KCNMA1: variants seen among roughly 807,000 people sequenced by gnomAD.
KCNMA1 encodes the protein Calcium-activated potassium channel subunit alpha-1.
A neutral mutation model predicts 140.0 loss-of-function variants in KCNMA1; 29 were observed. The ratio of observed to expected loss-of-function variants is 0.21; its 90% CI spans 0.15 to 0.28. KCNMA1 has a LOEUF of 0.28. KCNMA1 is among the 10% of genes least tolerant of loss of function. KCNMA1 has a pLI of 1.00. For missense variants in KCNMA1, 880 were observed against 1,602.2 expected, an observed-to-expected ratio of 0.55 and a Z score of 7.70; for synonymous variants, 612 against 611.9, an observed-to-expected ratio of 1.00 and a Z score of 0.00.
rs1157132020 is a variant in KCNMA1 at position 77,328,964 on chromosome 10, C to G, written c.540+74898G>C. Among the ~76,000 whole-genome samples the G allele has an allele frequency of 2.6e-5, 4 of 152,034 alleles. No individual in the cohort carries two copies. The East Asian group carries it at 7.7e-4, about 29-fold the overall frequency. ...CATGCCATTCTCCTGCCTCAGCCTC[C>G]CGAGTAGCTGGGACTACAGGCGCCT... On this transcript the variant is annotated intron_variant, in intron 2 of 27. Coordinates refer to ENST00000286628, the MANE Select transcript of KCNMA1 (RefSeq NM_001161352.2).
rs577812941 is a variant in KCNMA1 at position 76,927,399 on chromosome 10, G to A, written c.2903-12350C>T. On this transcript the variant is annotated intron_variant, in intron 23 of 27. Coordinates refer to ENST00000286628, the MANE Select transcript of KCNMA1 (RefSeq NM_001161352.2). Reference sequence around the variant, plus strand: ...GAGGCCTGCAGGCACAGTACATAACGATGGGACTCTCATAATCCAGGCAAT... The same window carrying A: ...GAGGCCTGCAGGCACAGTACATAACAATGGGACTCTCATAATCCAGGCAAT... Among the ~76,000 whole-genome samples the A allele has an allele frequency of 6.9e-4, 105 of 152,296 alleles. No individual in the cohort carries two copies. In the Middle Eastern group the frequency reaches 0.01, roughly 15 times the overall value.
intron 23 of KCNMA1, among the ~76,000 whole-genome samples, chr10:76,928,254 TACAC>T (rs57777811): frequency 1.3e-4 from 19 of 144,818 alleles, no homozygotes; most frequent in Admixed American, 9.2e-4. Context: ...TTCAGAAAAA[TACAC>T]ACACACACAC....
chr10:77,504,883 C>A (rs996574403), intron 1 of KCNMA1, among the ~76,000 whole-genome samples: 1 of 152,118 alleles, frequency 6.6e-6, no homozygotes, highest in Non-Finnish European at 1.5e-5. Flanking sequence ...TCAAGAAGAA[C>A]TGGTTCTCCA....
At position 77,289,133 on chromosome 10, in the gene KCNMA1, TC is replaced by T. The variant is rs2072201147; in HGVS notation, c.541-37878del. 2.0e-5 allele frequency among the ~76,000 whole-genome samples: 3 copies of T among 152,196 alleles called. No homozygotes were observed. The South Asian group carries it at 6.2e-4, about 32-fold the overall frequency. On this transcript the variant is annotated intron_variant, in intron 2 of 27. Coordinates refer to ENST00000286628, the MANE Select transcript of KCNMA1 (RefSeq NM_001161352.2). ...ATCTCCTCCAGCTCCCCAGGAAGTCTCCCATTGGCTGTCAGATCAAGATCAC... is the reference window on the plus strand; with the variant it reads ...ATCTCCTCCAGCTCCCCAGGAAGTCTCCATTGGCTGTCAGATCAAGATCAC...
chr10:77,562,515 T>A (rs941069686), intron 1 of KCNMA1, among the ~76,000 whole-genome samples: 1 of 152,212 alleles, frequency 6.6e-6, no homozygotes, highest in African/African-American at 2.4e-5. Flanking sequence ...GCTGTAACCA[T>A]AATAACCTTT....
chr10:76,909,024 TA>T (rs1020040563), intron 25 of KCNMA1, among the ~76,000 whole-genome samples: 7 of 152,178 alleles, frequency 4.6e-5, no homozygotes, highest in African/African-American at 1.7e-4. Flanking sequence ...CATCAAGTTA[TA>T]AAAGAAACCA....
intron 1 of KCNMA1, among the ~76,000 whole-genome samples, chr10:77,552,943 G>C (rs550635980): frequency 6.6e-6 from 1 of 152,172 alleles, no homozygotes; most frequent in Non-Finnish European, 1.5e-5. Context: ...CAGCTACTGG[G>C]GAGGCTGGGG....
intron 19 of KCNMA1, chr10:76,974,313 A>T: frequency 1.9e-6 from 1 of 523,188 alleles, no homozygotes; most frequent in Non-Finnish European, 3.4e-6. Context: ...AATTATTATT[A>T]ATCGTTTTTT....
chr10:77,506,596 A>AGAGTGTGTGT lies in KCNMA1; in HGVS notation c.379-102574_379-102573insACACACACTC. On this transcript the variant is annotated intron_variant, in intron 1 of 27. Coordinates refer to ENST00000286628, the MANE Select transcript of KCNMA1 (RefSeq NM_001161352.2). ...TAGAGAGAGAGAGAGAGAGAGAGAG[A>AGAGTGTGTGT]GTGTGTGTGTGTGTGTGTGTGTGTT... Among the ~76,000 whole-genome samples, 35 of 83,560 alleles carry AGAGTGTGTGT rather than the reference A, an allele frequency of 4.2e-4. 2 individuals are homozygous for AGAGTGTGTGT. In the East Asian group the frequency reaches 4.4e-3, roughly 11 times the overall value. The allele number at this position is 83,560 out of a possible 152,430, so 54.8% of individuals were successfully genotyped here.
chr10:76,952,073 T>C, intron 21 of KCNMA1: 2 of 1,552,284 alleles, frequency 1.3e-6, no homozygotes, highest in Non-Finnish European at 8.7e-7. Context: ...GAGATGTTGA[T>C]TGAATATCAG....
In KCNMA1 at chr10:77,613,642, T is replaced by C. The variant is rs1215206045; in HGVS notation, c.378+23623A>G. Among the ~76,000 whole-genome samples the C allele has an allele frequency of 3.3e-5, 5 of 152,326 alleles. No individual in the cohort carries two copies. The South Asian group carries it at 6.2e-4, about 19-fold the overall frequency. Reference sequence around the variant, plus strand: ...GTGCTGTTATTTCCCCGTGTGCAGCTAAAACTATAATCACTCTGTTCTCCG... The same window carrying C: ...GTGCTGTTATTTCCCCGTGTGCAGCCAAAACTATAATCACTCTGTTCTCCG... On this transcript the variant is annotated intron_variant, in intron 1 of 27. Transcript: ENST00000286628.
At chr10:76,978,056 G>A (rs1173791009) in intron 19 of KCNMA1, among the ~76,000 whole-genome samples, 3 of 152,152 alleles carry the variant, frequency 2.0e-5, no homozygotes, top group Admixed American at 1.3e-4. Context: ...GTCAGCTGCC[G>A]CATAGATTTA....
chr10:77,427,297 T>C (rs1603615978), intron 1 of KCNMA1, among the ~76,000 whole-genome samples: 1 of 152,130 alleles, frequency 6.6e-6, no homozygotes, highest in South Asian at 2.1e-4. Flanking sequence ...AGACACAGAG[T>C]GAAGAGGCTT....
At chr10:77,174,226 C>T (rs2098733733) in intron 5 of KCNMA1, among the ~76,000 whole-genome samples, 1 of 152,134 alleles carries the variant, frequency 6.6e-6, no homozygotes, top group African/African-American at 2.4e-5. Flanking sequence ...GTAGAGGGTT[C>T]CTTTTAACAG....
At chr10:77,432,496 C>T (rs2097174715) in intron 1 of KCNMA1, among the ~76,000 whole-genome samples, 1 of 152,184 alleles carries the variant, frequency 6.6e-6, no homozygotes, top group Non-Finnish European at 1.5e-5. Flanking sequence ...GAGTCACTGT[C>T]ACAGCAACAA....
chr10:76,888,366 T>C (rs994665146), intron 27 of KCNMA1: 2 of 152,216 alleles, frequency 1.3e-5, no homozygotes, highest in Non-Finnish European at 2.9e-5. Flanking sequence ...TAATCCCTGG[T>C]TATTATATAT....
At chr10:77,533,048 T>C (rs1217960494) in intron 1 of KCNMA1, among the ~76,000 whole-genome samples, 1 of 152,246 alleles carries the variant, frequency 6.6e-6, no homozygotes, top group East Asian at 1.9e-4. Context: ...GAAGCTCTAC[T>C]ATTATGCTGG....
chr10:77,493,521 C>T (rs988598650), intron 1 of KCNMA1, among the ~76,000 whole-genome samples: 13 of 152,338 alleles, frequency 8.5e-5, no homozygotes, highest in Non-Finnish European at 1.3e-4. Flanking sequence ...TGAGCGAGTG[C>T]GTGTGAGTGA....
chr10:76,947,180 C>CAAA (rs113200405), intron 22 of KCNMA1, among the ~76,000 whole-genome samples: 36 of 150,812 alleles, frequency 2.4e-4, no homozygotes, highest in Non-Finnish European at 4.6e-4. Flanking sequence ...ACTGAAAATA[C>CAAA]AAAAAAAGTA....
Sources: allele counts gnomAD v4.1 joint callset (sites outside exome capture counted in the v4.1 genomes callset), GRCh38; gene constraint gnomAD v4.1.1; transcripts MANE v1.5; gene names NCBI Gene and HGNC (gene_info 2026-07-23, HGNC 2026-07-21).